Variants in CSGALNACT1 observed in about 807,000 individuals in gnomAD.
CSGALNACT1 encodes beta4GalNAcT-1.
A neutral mutation model predicts 51.0 loss-of-function variants in CSGALNACT1; 52 were observed. That is an observed-to-expected ratio of 1.02 (90% CI 0.82 to 1.29). The LOEUF is 1.29. Ranked by LOEUF, CSGALNACT1 falls within the 50% of genes most tolerant of loss-of-function variation. CSGALNACT1 has a pLI of 0.00. For synonymous variants in CSGALNACT1, 341 were observed against 254.4 expected, an observed-to-expected ratio of 1.34 and a Z score of -3.24; for missense variants, 935 against 679.2, an observed-to-expected ratio of 1.38 and a Z score of -4.19.
upstream of CSGALNACT1, among the ~76,000 whole-genome samples, chr8:19,684,113 CAG>C (rs1271170204): frequency 6.6e-6 from 1 of 151,978 alleles, no homozygotes; most frequent in African/African-American, 2.4e-5. Context: ...TTGCAGGGAG[CAG>C]AGATAGTGCC....
intron 6 of CSGALNACT1, among the ~76,000 whole-genome samples, chr8:19,422,033 T>C (rs908789357): frequency 2.6e-5 from 4 of 152,346 alleles, no homozygotes; most frequent in Admixed American, 6.5e-5. Flanking sequence ...GTGCCTCTGA[T>C]GGATTTGAGG....
intron 3 of CSGALNACT1, among the ~76,000 whole-genome samples, chr8:19,530,105 C>G (rs1469146999): frequency 6.6e-6 from 1 of 151,942 alleles, no homozygotes; most frequent in African/African-American, 2.4e-5. Flanking sequence ...GCCTGTAATC[C>G]CAGCTACTCG....
At chr8:19,656,361 T>C (rs778157075) in intron 1 of CSGALNACT1, among the ~76,000 whole-genome samples, 1 of 152,170 alleles carries the variant, frequency 6.6e-6, no homozygotes, top group East Asian at 1.9e-4. Context: ...CATTTTTATA[T>C]GGCCTGAAAA....
chr8:19,454,111 C>G (rs1212201205), intron 5 of CSGALNACT1, among the ~76,000 whole-genome samples: 1 of 152,330 alleles, frequency 6.6e-6, no homozygotes, highest in African/African-American at 2.4e-5. Flanking sequence ...CTACAAAGTC[C>G]TGAGGAATGA....
At chr8:19,536,182 G>A (rs937101469) in intron 3 of CSGALNACT1, among the ~76,000 whole-genome samples, 2 of 152,138 alleles carry the variant, frequency 1.3e-5, no homozygotes, top group Admixed American at 1.3e-4. Flanking sequence ...AACTTTGGGT[G>A]ATGATGATGT....
chr8:19,505,245 TTC>T lies in CSGALNACT1; in HGVS notation c.588_589del (p.Asn197GlnfsTer11). The T allele has an allele frequency of 6.2e-7, 1 of 1,614,188 alleles. No individual in the cohort carries two copies. Among genetic ancestry groups the T allele is most frequent in the Non-Finnish European group, 8.5e-7 (1 of 1,180,032 alleles). On this transcript the variant is annotated frameshift_variant, in exon 4 of 10. Coordinates refer to ENST00000454498, the Ensembl canonical transcript of CSGALNACT1. LOFTEE classifies it high-confidence loss of function. ...CGTGTAAGGACGGTGATTGGGGCTG[TTC>T]TCTGCAGGACTGTTCAGGGTCTCCA... is the stretch of plus-strand genomic sequence containing the variant.
chr8:19,592,396 T>C (rs549575379), intron 2 of CSGALNACT1, among the ~76,000 whole-genome samples: 1 of 152,306 alleles, frequency 6.6e-6, no homozygotes, highest in South Asian at 2.1e-4. Context: ...GATAAAATAG[T>C]ATATATATTT....
chr8:19,728,085 T>C (rs1303981730), intron 1 of CSGALNACT1, among the ~76,000 whole-genome samples: 9 of 152,134 alleles, frequency 5.9e-5, no homozygotes, highest in Non-Finnish European at 2.9e-5. Flanking sequence ...CTGCCAGGGC[T>C]TAAATCTGGG....
intron 1 of CSGALNACT1, among the ~76,000 whole-genome samples, chr8:19,668,045 C>G (rs2059522298): frequency 6.6e-6 from 1 of 152,094 alleles, no homozygotes; most frequent in Non-Finnish European, 1.5e-5. Flanking sequence ...AAAACTTGAC[C>G]AGCATATATT....
intron 1 of CSGALNACT1, among the ~76,000 whole-genome samples, chr8:19,697,110 T>C (rs2061625350): frequency 2.0e-5 from 3 of 151,962 alleles, no homozygotes. Flanking sequence ...GTAAGAGCAT[T>C]GTCAGATCTA....
chr8:19,408,800 CT>C, intron 8 of CSGALNACT1, 106 bp from the exon 8 acceptor site: 3 of 944,988 alleles, frequency 3.2e-6, no homozygotes, highest in Non-Finnish European at 5.2e-6. Flanking sequence ...CATCCCATCA[CT>C]GATAAACAGC....
chr8:19,625,218 C>G (rs944137516), intron 1 of CSGALNACT1, among the ~76,000 whole-genome samples: 1 of 152,134 alleles, frequency 6.6e-6, no homozygotes, highest in Non-Finnish European at 1.5e-5. Context: ...ACACACATCA[C>G]GCTGTTTCTT....
chr8:19,627,020 G>A (rs1649276995), intron 1 of CSGALNACT1, among the ~76,000 whole-genome samples: 1 of 152,144 alleles, frequency 6.6e-6, no homozygotes, highest in Non-Finnish European at 1.5e-5. Flanking sequence ...TAAACTTACA[G>A]CTAGCATATG....
At chr8:19,457,230 A>T (rs1292709742) in intron 5 of CSGALNACT1, among the ~76,000 whole-genome samples, 6 of 152,242 alleles carry the variant, frequency 3.9e-5, no homozygotes, top group Non-Finnish European at 7.3e-5. Context: ...AAATTCAAAC[A>T]GAGTACGCTC....
chr8:19,474,220 G>T (rs111716963), intron 4 of CSGALNACT1, among the ~76,000 whole-genome samples: 1 of 151,962 alleles, frequency 6.6e-6, no homozygotes, highest in East Asian at 1.9e-4. Flanking sequence ...CTTCAAAAGG[G>T]AAAGAAACCA....
intron 1 of CSGALNACT1, among the ~76,000 whole-genome samples, chr8:19,643,731 C>A (rs2056974566): frequency 6.6e-6 from 1 of 151,842 alleles, no homozygotes; most frequent in African/African-American, 2.4e-5. Context: ...TGATAAAGAA[C>A]TGAGACTTGA....
intron 1 of CSGALNACT1, among the ~76,000 whole-genome samples, chr8:19,666,883 A>G (rs142161145): frequency 0.033 from 3,198 of 96,920 alleles, 186 homozygotes; most frequent in South Asian, 0.05. Flanking sequence ...GAAAGAAAGA[A>G]AGAGAGAGAG....
At chr8:19,505,661 C>T in exon 4 of CSGALNACT1, 9 of 1,614,186 alleles carry the variant, frequency 5.6e-6, no homozygotes, top group African/African-American at 1.3e-5. Flanking sequence ...GAAGGACGGC[C>T]TGGTACCCCT....
chr8:19,618,629 C>CAAAAAAAAAAAAAAAAA (rs60787326), intron 1 of CSGALNACT1, among the ~76,000 whole-genome samples: 11 of 64,046 alleles, frequency 1.7e-4, no homozygotes, highest in Admixed American at 2.5e-4. Flanking sequence ...AATACTCCAT[C>CAAAAAAAAAAAAAAAAA]AAAAAAAAAA....
Sources: allele counts gnomAD v4.1 joint callset (sites outside exome capture counted in the v4.1 genomes callset), GRCh38; gene constraint gnomAD v4.1.1; transcripts MANE v1.5; gene names NCBI Gene and HGNC (gene_info 2026-07-23, HGNC 2026-07-21).